The following MIIP variants were observed in gnomAD, a reference collection of about 807,000 sequenced individuals.
MIIP encodes the protein migration and invasion-inhibitory protein.
A neutral mutation model predicts 44.8 loss-of-function variants in MIIP; 44 were observed. The observed-to-expected ratio is 0.98, with a 90% CI of 0.77 to 1.26. MIIP has a LOEUF of 1.26. Ranked by LOEUF, MIIP falls within the 50% of genes most tolerant of loss-of-function variation. MIIP has a pLI of 0.00. For missense variants in MIIP, 496 were observed against 511.7 expected (o/e 0.97, Z 0.30); for synonymous variants, 225 against 218.3 (o/e 1.03, Z -0.27).
chr1:12,028,052 C>T (rs573223327), intron 4 of MIIP, among the ~76,000 whole-genome samples: 1 of 152,196 alleles, frequency 6.6e-6, no homozygotes, highest in South Asian at 2.1e-4. Flanking sequence ...ACTAAAAATA[C>T]AAAAATTAGC....
Position 12,031,318 on chromosome 1 carries a change from C to T in MIIP, c.995C>T (p.Ala332Val). The stretch of plus-strand genomic sequence containing the variant: ...CCTCCGAAGTCTGAGAAAAGCTCAG[C>T]CCCCAGGAACCTGGACCTCTGGTCC... The part of the protein sequence containing the change: ...IFPPKSEKSS[A>V]PRNLDLWSSV... Residue 332 changes from alanine (A) to valine (V), a missense_variant, in exon 9 of 10, where the codon GCC becomes GTC. Transcript: ENST00000235332. The T allele has an allele frequency of 1.2e-6, 2 of 1,613,982 alleles. No homozygotes were observed. Among genetic ancestry groups the T allele is most frequent in the Non-Finnish European group, 1.7e-6 (2 of 1,179,914 alleles).
At chr1:12,027,006 CTTTTTT>C (rs752323245) in intron 4 of MIIP, among the ~76,000 whole-genome samples, 12 of 129,510 alleles carry the variant, frequency 9.3e-5, no homozygotes, top group East Asian at 8.8e-4. Flanking sequence ...TTTTCTTTTT[CTTTTTT>C]TTTTTTTTTT....
chr1:12,022,802 A>C (rs1232737329), intron 3 of MIIP, 31 bp from the exon 4 acceptor site: 4 of 1,552,058 alleles, frequency 2.6e-6, no homozygotes, highest in Middle Eastern at 1.7e-4. Flanking sequence ...CTCTTGGCTT[A>C]GTCCTTGTCC....
Position 12,028,154 on chromosome 1 carries a change from C to T in MIIP, c.548-879C>T, listed in dbSNP as rs182675190. Among the ~76,000 whole-genome samples, 104 of 152,312 alleles carry T rather than the reference C, an allele frequency of 6.8e-4. 1 individual carries two copies. The highest frequency in any genetic ancestry group is 2.5e-3 in the African/African-American group (104 of 41,570). On this transcript the variant is annotated intron_variant, in intron 4 of 9. Coordinates refer to ENST00000235332, the MANE Select transcript of MIIP (RefSeq NM_021933.4). ...CCTGGGAGGCAGAGGTTGCAGTGAG[C>T]CGAGGTCGCTCCACTGCACTGCACC...
In MIIP at chr1:12,022,316, C is replaced by G. The variant is rs764024416; in HGVS notation, c.336C>G (p.His112Gln). ...HQESLGRPRP[H>Q]SAPSLGTSSL... is the part of the protein sequence containing the mutation. ...AGTCCCTGGGCCGACCGAGACCCCA[C>G]TCAGCACCCTCGCTGGGCACCTCAA... Residue 112 changes from histidine (H) to glutamine (Q), a missense_variant, in exon 3 of 10, where the codon CAC becomes CAG. Coordinates refer to ENST00000235332, the MANE Select transcript of MIIP (RefSeq NM_021933.4). 1 of 1,613,920 alleles carries G rather than the reference C, an allele frequency of 6.2e-7. No homozygotes were observed. The highest frequency in any genetic ancestry group is 8.5e-7 in the Non-Finnish European group (1 of 1,180,024).
At chr1:12,024,308 A>C (rs1005497206) in intron 4 of MIIP, among the ~76,000 whole-genome samples, 6 of 152,182 alleles carry the variant, frequency 3.9e-5, no homozygotes. Context: ...CCCGACAGCA[A>C]CCTAACCTCA....
Position 12,031,839 on chromosome 1 carries a change from C to T in MIIP, c.*31C>T, listed in dbSNP as rs182416334. 6.5e-5 allele frequency: 104 copies of T among 1,599,236 alleles called. No individual in the cohort carries two copies. In the East Asian group the frequency reaches 9.4e-4, roughly 14 times the overall value. On this transcript the variant is annotated 3_prime_UTR_variant, in exon 10 of 10. Transcript: ENST00000235332. ...GACTCCTGGGGGAGAACAGCATTCCCGCCGCCTCCAGCCTCTCCCCTCTGG... is the reference window on the plus strand; with the variant it reads ...GACTCCTGGGGGAGAACAGCATTCCTGCCGCCTCCAGCCTCTCCCCTCTGG...
At chr1:12,026,799 C>G (rs61776547) in intron 4 of MIIP, among the ~76,000 whole-genome samples, 318 of 152,272 alleles carry the variant, frequency 2.1e-3, no homozygotes, top group Non-Finnish European at 3.1e-3. Flanking sequence ...GGCTGAGGCC[C>G]GGTGAGACAG....
chr1:12,030,190 A>C, intron 8 of MIIP, 66 bp downstream of exon 8: 1 of 1,495,338 alleles, frequency 6.7e-7, no homozygotes, highest in Non-Finnish European at 9.3e-7. Flanking sequence ...CCAGATCCCC[A>C]GGGAGGGTCA....
At chr1:12,026,709 G>T (rs1046749225) in intron 4 of MIIP, among the ~76,000 whole-genome samples, 2 of 152,196 alleles carry the variant, frequency 1.3e-5, no homozygotes, top group Non-Finnish European at 2.9e-5. Flanking sequence ...TGTGCTTCCT[G>T]TTCCTCCCGC....
intron 4 of MIIP, among the ~76,000 whole-genome samples, chr1:12,025,713 T>C (rs1325895543): frequency 6.6e-6 from 1 of 152,070 alleles, no homozygotes; most frequent in Non-Finnish European, 1.5e-5. Flanking sequence ...GCCTCCTCCT[T>C]TTTTATTTTT....
rs1024344297 is a variant in MIIP, at chr1:12,021,834, C to G, written c.108C>G (p.Ala36=). ...TGCGGCGGTCAGTGGCCAGGGCAGC[C>G]TCGGAGGTGCGTGCCCGCCTTGGGA... ...DAVRRSVARA[A]SESSLESSSS... is the part of the protein sequence containing the mutation. Residue 36 remains alanine (A), a synonymous_variant, in exon 2 of 10, where the codon GCC becomes GCG. Coordinates refer to ENST00000235332, the MANE Select transcript of MIIP (RefSeq NM_021933.4). The G allele has an allele frequency of 1.2e-6, 2 of 1,605,328 alleles. No homozygotes were observed. The highest frequency in any genetic ancestry group is 1.7e-6 in the Non-Finnish European group (2 of 1,176,806).
Position 12,031,708 on chromosome 1 carries a change from T to C in MIIP, c.1081-14T>C. The C allele has an allele frequency of 6.2e-7, 1 of 1,614,020 alleles. No homozygotes were observed. Among genetic ancestry groups the C allele is most frequent in the South Asian group, 1.1e-5 (1 of 91,082 alleles). On this transcript the variant is annotated splice_polypyrimidine_tract_variant and intron_variant, in intron 9 of 9. Transcript: ENST00000235332. ...TCAAGTGGCCCCCCTGAGACTTCCCTATTCCCCATCCAGGCCTCACCAATG... is the reference window on the plus strand; with the variant it reads ...TCAAGTGGCCCCCCTGAGACTTCCCCATTCCCCATCCAGGCCTCACCAATG...
intron 4 of MIIP, among the ~76,000 whole-genome samples, chr1:12,024,752 T>C (rs916370495): frequency 6.6e-6 from 1 of 151,926 alleles, no homozygotes; most frequent in Non-Finnish European, 1.5e-5. Flanking sequence ...CGGCGTCAAC[T>C]ATGTCTACAC....
chr1:12,031,488 TG>T (rs1640241843), intron 9 of MIIP, 85 bp downstream of exon 9: 9 of 1,566,794 alleles, frequency 5.7e-6, no homozygotes, highest in Admixed American at 1.8e-5. Context: ...CAGAGCCTCC[TG>T]GGGGGTAGGA....
intron 4 of MIIP, among the ~76,000 whole-genome samples, chr1:12,027,395 G>A (rs1023651479): frequency 2.0e-5 from 3 of 152,162 alleles, no homozygotes; most frequent in Non-Finnish European, 4.4e-5. Context: ...CCTCCGTGGT[G>A]CCAACTCCCC....
In MIIP at chr1:12,031,709, A is replaced by G. The variant is rs750815492; in HGVS notation, c.1081-13A>G. ...CAAGTGGCCCCCCTGAGACTTCCCT[A>G]TTCCCCATCCAGGCCTCACCAATGC... On this transcript the variant is annotated splice_polypyrimidine_tract_variant and intron_variant, in intron 9 of 9. Transcript: ENST00000235332. The G allele has an allele frequency of 8.2e-5, 133 of 1,613,746 alleles. No individual in the cohort carries two copies. Among genetic ancestry groups the G allele is most frequent in the Non-Finnish European group, 1.1e-4 (124 of 1,179,932 alleles).
chr1:12,021,808 G>C lies in MIIP; in HGVS notation c.82G>C (p.Val28Leu), dbSNP rs1243412070. 1.9e-6 allele frequency: 3 copies of C among 1,611,810 alleles called. No individual in the cohort carries two copies. The highest frequency in any genetic ancestry group is 2.5e-6 in the Non-Finnish European group (3 of 1,179,804). ...GCAGCTGTGGGTGGGGCAGGATGCT[G>C]TGCGGCGGTCAGTGGCCAGGGCAGC... ...LRQLWVGQDA[V>L]RRSVARAASE... is the part of the protein sequence containing the mutation. The change falls in exon 2 of 10, where the codon GTG (valine) becomes CTG (leucine). Residue 28 changes from valine (V) to leucine (L), a missense_variant. Physicochemically the swap from Val to Leu is conservative, Grantham distance 32. Transcript: ENST00000235332.
At chr1:12,026,996 TTTTC>T (rs1640117476) in intron 4 of MIIP, among the ~76,000 whole-genome samples, 1 of 129,890 alleles carries the variant, frequency 7.7e-6, no homozygotes, top group Non-Finnish European at 1.6e-5. Flanking sequence ...CTACTATTCC[TTTTC>T]TTTTTCTTTT....
Sources: gnomAD v4.1 joint callset for allele counts (sites outside exome capture counted in the v4.1 genomes callset) on GRCh38, gnomAD v4.1.1 for gene constraint, MANE v1.5 for transcripts, NCBI Gene and HGNC (gene_info 2026-07-23, HGNC 2026-07-21) for gene names.